Variants in LMBRD1 observed in about 807,000 individuals in gnomAD.
The protein encoded by LMBRD1 is LMBR1 domain containing 1, also known as lysosomal cobalamin transport escort protein LMBD1.
In LMBRD1, 64 loss-of-function variants were observed where a neutral mutation model predicts 74.8. That is an observed-to-expected ratio of 0.86 (90% CI 0.70 to 1.05). The LOEUF (loss-of-function observed/expected upper bound fraction) is 1.05. Ranked by LOEUF, LMBRD1 falls within the 50% of genes least tolerant of loss-of-function variation. The pLI is 0.00. For missense variants in LMBRD1, 652 were observed against 645.9 expected (o/e 1.01, Z -0.10); for synonymous variants, 204 against 216.3 (o/e 0.94, Z 0.50).
chr6:69,756,075 C>T (rs1486227080), intron 3 of LMBRD1, among the ~76,000 whole-genome samples: 1 of 152,018 alleles, frequency 6.6e-6, no homozygotes, highest in African/African-American at 2.4e-5. Context: ...AAAATATACA[C>T]AATTTCTGGG....
intron 3 of LMBRD1, among the ~76,000 whole-genome samples, chr6:69,779,790 A>T (rs1765786437): frequency 6.6e-6 from 1 of 152,248 alleles, no homozygotes; most frequent in Non-Finnish European, 1.5e-5. Flanking sequence ...GAAAACAGAA[A>T]TCTCATATGT....
At chr6:69,701,327 A>G (rs1766124939) in intron 11 of LMBRD1, 116 bp downstream of exon 11, 1 of 681,370 alleles carries the variant, frequency 1.5e-6, no homozygotes, top group Non-Finnish European at 2.6e-6. Flanking sequence ...ATGTCAAACT[A>G]TTCATAGGTT....
chr6:69,748,505 A>T (rs1373105616), intron 5 of LMBRD1, among the ~76,000 whole-genome samples: 1 of 152,120 alleles, frequency 6.6e-6, no homozygotes, highest in Non-Finnish European at 1.5e-5. Flanking sequence ...GAACTCCTGG[A>T]ACTACAAAAA....
chr6:69,763,364 A>G lies in LMBRD1; in HGVS notation c.308-11008T>C, dbSNP rs192418915. ...AGAGAACACTAAGGGTGTATTTGATAATTAGATTAGTGAAGATATGAACCA... is the reference window on the plus strand; with the variant it reads ...AGAGAACACTAAGGGTGTATTTGATGATTAGATTAGTGAAGATATGAACCA... On this transcript the variant is annotated intron_variant, in intron 3 of 15. Transcript: ENST00000649934. Among the ~76,000 whole-genome samples, 3 of 152,044 alleles carry G rather than the reference A, an allele frequency of 2.0e-5. No homozygotes were observed. In the East Asian group the frequency reaches 5.8e-4, roughly 29 times the overall value.
intron 8 of LMBRD1, among the ~76,000 whole-genome samples, chr6:69,717,004 C>G (rs925822392): frequency 3.3e-5 from 5 of 151,580 alleles, no homozygotes; most frequent in African/African-American, 9.7e-5. Context: ...TCTATCTAAT[C>G]CCCAAATTCT....
intron 14 of LMBRD1, among the ~76,000 whole-genome samples, chr6:69,692,427 C>T (rs1448677785): frequency 6.6e-6 from 1 of 151,986 alleles, no homozygotes; most frequent in African/African-American, 2.4e-5. Flanking sequence ...TTTACAATAA[C>T]AAAGATAAAA....
intron 2 of LMBRD1, among the ~76,000 whole-genome samples, chr6:69,785,761 T>A (rs1363542034): frequency 6.6e-6 from 1 of 152,214 alleles, no homozygotes; most frequent in Non-Finnish European, 1.5e-5. Flanking sequence ...AAATCTAAAC[T>A]TATTAATATG....
intron 7 of LMBRD1, among the ~76,000 whole-genome samples, chr6:69,721,883 G>A (rs1182363382): frequency 6.6e-6 from 1 of 152,174 alleles, no homozygotes; most frequent in Non-Finnish European, 1.5e-5. Context: ...GCTGTCAGAA[G>A]AGCCCTTGGG....
chr6:69,762,094 T>C (rs1246539520), intron 3 of LMBRD1, among the ~76,000 whole-genome samples: 1 of 152,218 alleles, frequency 6.6e-6, no homozygotes, highest in African/African-American at 2.4e-5. Context: ...ATTTGCCAAC[T>C]TGTAACTCAG....
intron 9 of LMBRD1, among the ~76,000 whole-genome samples, chr6:69,710,810 A>C (rs1014098705): frequency 6.6e-6 from 1 of 152,194 alleles, no homozygotes; most frequent in Non-Finnish European, 1.5e-5. Flanking sequence ...CAGACACTAC[A>C]TAAGAGTTGA....
intron 7 of LMBRD1, among the ~76,000 whole-genome samples, chr6:69,722,834 G>GT (rs1189816464): frequency 6.6e-6 from 1 of 152,098 alleles, no homozygotes; most frequent in Non-Finnish European, 1.5e-5. Flanking sequence ...AAGTCCTTAC[G>GT]TATCAGTAAC....
intron 9 of LMBRD1, 38 bp from the exon 10 acceptor site, chr6:69,701,991 A>G: frequency 7.8e-7 from 1 of 1,277,428 alleles, no homozygotes; most frequent in Non-Finnish European, 1.1e-6. Flanking sequence ...TATAGTTCTA[A>G]AAGTTGATAT....
intron 12 of LMBRD1, among the ~76,000 whole-genome samples, chr6:69,699,668 A>G (rs541263885): frequency 7.2e-5 from 11 of 151,976 alleles, no homozygotes; most frequent in Non-Finnish European, 8.9e-5. Context: ...ACATTTATCT[A>G]TACTAAAGGG....
chr6:69,722,860 T>C (rs1214409794), intron 7 of LMBRD1, among the ~76,000 whole-genome samples: 2 of 152,080 alleles, frequency 1.3e-5, no homozygotes, highest in African/African-American at 2.4e-5. Flanking sequence ...TGAATGTAAA[T>C]GGACTAAACT....
intron 2 of LMBRD1, among the ~76,000 whole-genome samples, chr6:69,786,955 T>C (rs753637477): frequency 1.3e-5 from 2 of 152,178 alleles, no homozygotes; most frequent in African/African-American, 4.8e-5. Context: ...AGTTAGAGAA[T>C]GTATATATTC....
intron 7 of LMBRD1, among the ~76,000 whole-genome samples, chr6:69,724,652 T>A (rs1766688447): frequency 6.6e-6 from 1 of 151,306 alleles, no homozygotes; most frequent in African/African-American, 2.4e-5. Flanking sequence ...TGAAAAAGCA[T>A]TTGATAATGT....
chr6:69,773,030 G>T (rs1336875972), intron 3 of LMBRD1, among the ~76,000 whole-genome samples: 2 of 152,114 alleles, frequency 1.3e-5, no homozygotes, highest in Non-Finnish European at 2.9e-5. Context: ...TCACAAAGAA[G>T]TCAACTTCAA....
intron 3 of LMBRD1, among the ~76,000 whole-genome samples, chr6:69,756,147 G>T (rs1355055356): frequency 6.6e-6 from 1 of 152,110 alleles, no homozygotes; most frequent in Non-Finnish European, 1.5e-5. Context: ...GATCACCTGA[G>T]TTCAGGAGTT....
rs372066306 is a variant in LMBRD1, at chr6:69,682,432, G to A, written c.1418-5891C>T. On this transcript the variant is annotated intron_variant, in intron 14 of 15. Transcript: ENST00000649934. ...CAAGTATAATCTGTGTTGAGCTCTG[G>A]TTATATTTAAATAAGTTTAAAGCAT... Among the ~76,000 whole-genome samples the A allele has an allele frequency of 3.3e-5, 5 of 151,922 alleles. No individual in the cohort carries two copies. In the East Asian group the frequency reaches 9.6e-4, roughly 29 times the overall value.
Sources: gnomAD v4.1 joint callset for allele counts (sites outside exome capture counted in the v4.1 genomes callset) on GRCh38, gnomAD v4.1.1 for gene constraint, MANE v1.5 for transcripts, NCBI Gene and HGNC (gene_info 2026-07-23, HGNC 2026-07-21) for gene names.